Variants in NRXN3 observed in about 807,000 individuals in gnomAD.
NRXN3 encodes neurexin III.
NRXN3 carries 32 observed loss-of-function variants against 137.6 expected under a neutral mutation model. The ratio of observed to expected loss-of-function variants is 0.23; its 90% CI spans 0.18 to 0.31. NRXN3 has a LOEUF of 0.31. NRXN3 is among the 10% of genes least tolerant of loss of function. The probability of loss-of-function intolerance (pLI) is 1.00; values close to 1 mark genes in which losing one functional copy is unlikely to be tolerated. For synonymous variants in NRXN3, 798 were observed against 784.5 expected (o/e 1.02, Z -0.29); for missense variants, 1,574 against 2,062.5 (o/e 0.76, Z 4.59).
chr14:78,222,835 G>A (rs778262106), intron 1 of NRXN3, among the ~76,000 whole-genome samples: 1 of 152,160 alleles, frequency 6.6e-6, no homozygotes, highest in African/African-American at 2.4e-5. Context: ...TAAGCTCCTT[G>A]TAGTCAAGGC....
chr14:78,463,415 A>T (rs1321438220), intron 4 of NRXN3, among the ~76,000 whole-genome samples: 1 of 151,982 alleles, frequency 6.6e-6, no homozygotes, highest in Non-Finnish European at 1.5e-5. Context: ...GTAGATACCC[A>T]GTAGTGGGAC....
intron 15 of NRXN3, among the ~76,000 whole-genome samples, chr14:79,214,821 C>A (rs2068231557): frequency 6.6e-6 from 1 of 152,168 alleles, no homozygotes; most frequent in Admixed American, 6.5e-5. Flanking sequence ...TTTTCACCCA[C>A]AAATTCTTCA....
intron 4 of NRXN3, among the ~76,000 whole-genome samples, chr14:78,417,625 A>G (rs74507362): frequency 0.052 from 7,939 of 152,322 alleles, 299 homozygotes; most frequent in Non-Finnish European, 0.075. Flanking sequence ...GAGATGCTCA[A>G]TAAATGTTTG....
At chr14:79,826,793 G>A (rs1031627643) in intron 20 of NRXN3, among the ~76,000 whole-genome samples, 6 of 152,136 alleles carry the variant, frequency 3.9e-5, no homozygotes, top group East Asian at 3.9e-4. Context: ...TTCCTGATAC[G>A]TTATTTTATT....
intron 4 of NRXN3, chr14:78,403,870 G>A (rs2092293554): frequency 1.0e-6 from 1 of 985,376 alleles, no homozygotes; most frequent in South Asian, 4.7e-5. Flanking sequence ...ATTAACTCGA[G>A]CTTGGCAGGT....
chr14:79,668,973 A>T (rs2098589293), intron 17 of NRXN3, among the ~76,000 whole-genome samples: 1 of 152,106 alleles, frequency 6.6e-6, no homozygotes, highest in African/African-American at 2.4e-5. Context: ...GAGACTTTAA[A>T]GGATTAAAAA....
At chr14:79,709,716 A>G (rs954030099) in intron 19 of NRXN3, among the ~76,000 whole-genome samples, 1 of 152,004 alleles carries the variant, frequency 6.6e-6, no homozygotes. Context: ...CTCACACTAT[A>G]ATGCACAATG....
intron 15 of NRXN3, among the ~76,000 whole-genome samples, chr14:79,061,798 G>A (rs1215277495): frequency 2.0e-5 from 3 of 152,150 alleles, no homozygotes; most frequent in Admixed American, 6.5e-5. Flanking sequence ...AGAAGAATGT[G>A]GAGTGCCCCT....
chr14:78,623,067 A>G (rs1348487823), intron 4 of NRXN3, among the ~76,000 whole-genome samples: 1 of 152,204 alleles, frequency 6.6e-6, no homozygotes, highest in Non-Finnish European at 1.5e-5. Context: ...GCTAAACTGA[A>G]GCTTAAAGAG....
chr14:78,559,240 T>C (rs2096765781), intron 4 of NRXN3, among the ~76,000 whole-genome samples: 2 of 152,380 alleles, frequency 1.3e-5, no homozygotes, highest in South Asian at 4.1e-4. Flanking sequence ...CATGCTTTTC[T>C]TGTTATTTAT....
intron 15 of NRXN3, among the ~76,000 whole-genome samples, chr14:79,457,706 G>A (rs932548598): frequency 1.3e-5 from 2 of 152,178 alleles, no homozygotes; most frequent in Non-Finnish European, 2.9e-5. Context: ...TAAGTATGAG[G>A]ATCATATAAA....
chr14:79,778,362 G>A (rs1293816645), intron 19 of NRXN3, among the ~76,000 whole-genome samples: 1 of 152,188 alleles, frequency 6.6e-6, no homozygotes, highest in Non-Finnish European at 1.5e-5. Context: ...GTTGCAGTGA[G>A]CTGAGATCAT....
chr14:79,704,120 G>A (rs759360829), intron 19 of NRXN3, among the ~76,000 whole-genome samples: 2 of 152,124 alleles, frequency 1.3e-5, no homozygotes, highest in Non-Finnish European at 2.9e-5. Context: ...GTGGGAATTG[G>A]CTTTGCTGAA....
chr14:78,998,245 C>G (rs2099534100), intron 15 of NRXN3, among the ~76,000 whole-genome samples: 2 of 152,088 alleles, frequency 1.3e-5, no homozygotes, highest in Non-Finnish European at 2.9e-5. Context: ...TTGATGCCAA[C>G]CTATTCTTTT....
intron 15 of NRXN3, among the ~76,000 whole-genome samples, chr14:79,328,425 A>G (rs978319012): frequency 1.3e-5 from 2 of 152,224 alleles, no homozygotes; most frequent in Non-Finnish European, 2.9e-5. Context: ...TTTTCAGTCA[A>G]GGGCAGAGAG....
chr14:78,583,074 T>G (rs1485374512), intron 4 of NRXN3, among the ~76,000 whole-genome samples: 2 of 152,146 alleles, frequency 1.3e-5, no homozygotes, highest in African/African-American at 4.8e-5. Context: ...TCTGGGATAC[T>G]AACATTCACA....
chr14:79,108,159 A>T (rs999722314), intron 15 of NRXN3, among the ~76,000 whole-genome samples: 1 of 152,194 alleles, frequency 6.6e-6, no homozygotes, highest in African/African-American at 2.4e-5. Flanking sequence ...CTATGAACTT[A>T]GGAAAGTGAA....
intron 15 of NRXN3, among the ~76,000 whole-genome samples, chr14:79,089,234 T>C (rs953537560): frequency 6.6e-6 from 1 of 152,122 alleles, no homozygotes; most frequent in African/African-American, 2.4e-5. Flanking sequence ...GAAAATATGA[T>C]TTGATTGCCT....
chr14:79,001,343 C>T (rs912380646), intron 15 of NRXN3, among the ~76,000 whole-genome samples: 1 of 152,194 alleles, frequency 6.6e-6, no homozygotes, highest in African/African-American at 2.4e-5. Flanking sequence ...TGCTCGTGAA[C>T]CTTCAATGAC....
Sources: gnomAD v4.1 joint callset for allele counts (sites outside exome capture counted in the v4.1 genomes callset) on GRCh38, gnomAD v4.1.1 for gene constraint, MANE v1.5 for transcripts, NCBI Gene and HGNC (gene_info 2026-07-23, HGNC 2026-07-21) for gene names.